CLNK: variants seen among roughly 807,000 people sequenced by gnomAD.
The protein encoded by CLNK is cytokine-dependent hematopoietic cell linker.
A neutral mutation model predicts 68.6 loss-of-function variants in CLNK; 74 were observed. The ratio of observed to expected loss-of-function variants is 1.08; its 90% confidence interval spans 0.89 to 1.31. The LOEUF (loss-of-function observed/expected upper bound fraction) is 1.31. CLNK is among the 50% of genes most tolerant of loss of function. The probability of loss-of-function intolerance (pLI) is 0.00; values close to 1 mark genes in which losing one functional copy is unlikely to be tolerated. For missense variants in CLNK, 553 were observed against 515.3 expected, an observed-to-expected ratio of 1.07 and a Z score of -0.71; for synonymous variants, 198 against 172.2, an observed-to-expected ratio of 1.15 and a Z score of -1.17.
At position 10,541,922 on chromosome 4, in the gene CLNK, T is replaced by C. The variant is rs533082336; in HGVS notation, c.491+100A>G. Reference sequence around the variant, plus strand: ...TCCGTCTCTCACTCTGAAATCATATTAGATTTTCAATGTCAAATGTTTGTG... The same window carrying C: ...TCCGTCTCTCACTCTGAAATCATATCAGATTTTCAATGTCAAATGTTTGTG... On this transcript the variant is annotated intron_variant, in intron 10 of 18. Coordinates refer to ENST00000226951, the MANE Select transcript of CLNK (RefSeq NM_052964.4). The C allele has an allele frequency of 1.7e-5, 15 of 904,120 alleles. No individual in the cohort carries two copies. In the South Asian group the frequency reaches 2.2e-4, roughly 13 times the overall value. 56.0% of individuals were successfully genotyped at this position (904,120 alleles called of 1,614,324 possible).
the CLNK span, among the ~76,000 whole-genome samples, chr4:10,720,693 A>G: frequency 2.0e-5 from 3 of 150,850 alleles, no homozygotes; most frequent in Non-Finnish European, 4.4e-5. Context: ...AAAAATAGTG[A>G]CACCACCAAA....
chr4:10,699,140 A>T, the CLNK span, among the ~76,000 whole-genome samples: 1 of 136,852 alleles, frequency 7.3e-6, no homozygotes, highest in Non-Finnish European at 1.6e-5. Context: ...GAACTTTCTC[A>T]GCCTCCATGA....
intron 2 of CLNK, among the ~76,000 whole-genome samples, chr4:10,656,063 A>C (rs887719110): frequency 2.0e-5 from 3 of 152,124 alleles, no homozygotes; most frequent in Non-Finnish European, 4.4e-5. Flanking sequence ...AATCAATTGC[A>C]GGCTATTAAA....
chr4:10,588,330 C>G (rs1440764570), intron 3 of CLNK, among the ~76,000 whole-genome samples: 1 of 152,168 alleles, frequency 6.6e-6, no homozygotes, highest in Non-Finnish European at 1.5e-5. Context: ...CTGACCTTAT[C>G]TGGATTTTAG....
At chr4:10,669,476 C>T (rs544656301) in intron 1 of CLNK, among the ~76,000 whole-genome samples, 27 of 152,094 alleles carry the variant, frequency 1.8e-4, no homozygotes, top group Admixed American at 5.2e-4. Flanking sequence ...GAGCATCATG[C>T]GCAAAGGTGT....
At chr4:10,490,834 G>A (rs975062767) in intron 18 of CLNK, among the ~76,000 whole-genome samples, 1 of 151,994 alleles carries the variant, frequency 6.6e-6, no homozygotes, top group African/African-American at 2.4e-5. Context: ...CCACAATCTC[G>A]GCTCACTGCA....
chr4:10,723,963 A>AT, the CLNK span, among the ~76,000 whole-genome samples: 1 of 99,190 alleles, frequency 1.0e-5, no homozygotes, highest in Non-Finnish European at 2.3e-5. Context: ...TGTGGGTGGG[A>AT]TATATGAGTT....
chr4:10,732,895 G>T, the CLNK span, among the ~76,000 whole-genome samples: 1 of 152,122 alleles, frequency 6.6e-6, no homozygotes, highest in African/African-American at 2.4e-5. Context: ...TGATCCTAAA[G>T]AGAATAATAT....
chr4:10,718,300 C>T, the CLNK span, among the ~76,000 whole-genome samples: 1 of 151,950 alleles, frequency 6.6e-6, no homozygotes, highest in Non-Finnish European at 1.5e-5. Flanking sequence ...TACATAAATC[C>T]ACATATTCAA....
intron 1 of CLNK, among the ~76,000 whole-genome samples, chr4:10,674,039 G>A (rs1256653877): frequency 1.3e-5 from 2 of 152,180 alleles, no homozygotes; most frequent in Admixed American, 1.3e-4. Flanking sequence ...TGACACTGAG[G>A]TGTCATCTGT....
intron 14 of CLNK, among the ~76,000 whole-genome samples, chr4:10,521,459 T>C (rs1718058861): frequency 6.6e-6 from 1 of 152,250 alleles, no homozygotes; most frequent in Non-Finnish European, 1.5e-5. Context: ...TCATTTTGTA[T>C]TGTGGTCAGT....
chr4:10,699,222 ATG>A, the CLNK span, among the ~76,000 whole-genome samples: 271 of 38,796 alleles, frequency 7.0e-3, 10 homozygotes, highest in Admixed American at 0.013. Context: ...CACACCACAT[ATG>A]TGTGTGTATA....
chr4:10,603,216 C>A (rs1261028915), intron 2 of CLNK, among the ~76,000 whole-genome samples: 2 of 152,188 alleles, frequency 1.3e-5, no homozygotes, highest in Non-Finnish European at 2.9e-5. Flanking sequence ...TGAGAAATCA[C>A]TAAAATTGCT....
At chr4:10,641,224 T>TC (rs1223661453) in intron 2 of CLNK, among the ~76,000 whole-genome samples, 8 of 152,074 alleles carry the variant, frequency 5.3e-5, no homozygotes, top group African/African-American at 1.7e-4. Flanking sequence ...CAGTGGGGTT[T>TC]CACAGGCCTC....
At chr4:10,624,315 G>GTT (rs11431188) in intron 2 of CLNK, among the ~76,000 whole-genome samples, 10 of 151,210 alleles carry the variant, frequency 6.6e-5, no homozygotes, top group African/African-American at 1.9e-4. Flanking sequence ...TAGTTTTTTG[G>GTT]TTTTTTTTTG....
chr4:10,492,180 G>A (rs1366008706), intron 18 of CLNK, among the ~76,000 whole-genome samples: 1 of 152,168 alleles, frequency 6.6e-6, no homozygotes, highest in East Asian at 1.9e-4. Flanking sequence ...CTTACTCAGA[G>A]TCTCCCATGG....
At chr4:10,569,363 C>A (rs1166360791) in intron 5 of CLNK, among the ~76,000 whole-genome samples, 1 of 151,880 alleles carries the variant, frequency 6.6e-6, no homozygotes, top group Non-Finnish European at 1.5e-5. Context: ...TGGGTTTCTC[C>A]CTCTCTCTCC....
intron 3 of CLNK, among the ~76,000 whole-genome samples, chr4:10,588,359 G>A (rs974525464): frequency 5.3e-5 from 8 of 152,274 alleles, no homozygotes; most frequent in South Asian, 2.1e-4. Flanking sequence ...ACAAACTAGT[G>A]CTAAAAAGCA....
chr4:10,690,398 G>T, the CLNK span, among the ~76,000 whole-genome samples: 5 of 152,142 alleles, frequency 3.3e-5, no homozygotes, highest in African/African-American at 2.4e-5. Context: ...TCGTTTTGTT[G>T]CATTCGTGTC....
Sources: allele counts gnomAD v4.1 joint callset (sites outside exome capture counted in the v4.1 genomes callset), GRCh38; gene constraint gnomAD v4.1.1; transcripts MANE v1.5; gene names NCBI Gene and HGNC (gene_info 2026-07-23, HGNC 2026-07-21).